Variants in PRKAR1B observed in about 807,000 individuals in gnomAD.
The protein encoded by PRKAR1B is cAMP-dependent protein kinase type I-beta regulatory subunit.
Under a neutral mutation model 46.5 loss-of-function variants are expected in PRKAR1B, and 22 were observed. The observed-to-expected ratio is 0.47, with a 90% CI of 0.34 to 0.68. The LOEUF (loss-of-function observed/expected upper bound fraction) is 0.68, where lower values mean the gene tolerates loss of function less well. Among genes scored for constraint, PRKAR1B ranks in the 30% least tolerant of loss-of-function variants. PRKAR1B has a pLI of 0.01. For missense variants in PRKAR1B, 445 were observed against 535.6 expected, an observed-to-expected ratio of 0.83 and a Z score of 1.67; for synonymous variants, 259 against 217.7, an observed-to-expected ratio of 1.19 and a Z score of -1.67.
chr7:715,891 AT>A (rs1243940349), intron 1 of PRKAR1B, among the ~76,000 whole-genome samples: 4 of 151,262 alleles, frequency 2.6e-5, no homozygotes, highest in Non-Finnish European at 5.9e-5. Flanking sequence ...AATTTTTTGT[AT>A]TTTTAGTAGA....
intron 9 of PRKAR1B, among the ~76,000 whole-genome samples, chr7:554,026 G>C (rs189490181): frequency 6.6e-6 from 1 of 152,376 alleles, no homozygotes; most frequent in East Asian, 1.9e-4. Context: ...TGGAGAGAGG[G>C]AAGACTCCGT....
intron 8 of PRKAR1B, 48 bp from the exon 9 acceptor site, chr7:579,425 C>T (rs773863605): frequency 3.1e-6 from 5 of 1,605,546 alleles, no homozygotes; most frequent in East Asian, 4.5e-5. Context: ...CACGCCCCCA[C>T]AGCCACAGTC....
chr7:725,229 A>G (rs1352485403), intron 1 of PRKAR1B, among the ~76,000 whole-genome samples: 2 of 151,728 alleles, frequency 1.3e-5, no homozygotes, highest in Non-Finnish European at 2.9e-5. Context: ...AAAAAAAAAA[A>G]GACGTACCGA....
chr7:728,307 A>G (rs1781434757), upstream of PRKAR1B, among the ~76,000 whole-genome samples: 1 of 152,194 alleles, frequency 6.6e-6, no homozygotes, highest in South Asian at 2.1e-4. Context: ...GGAGCAGGAA[A>G]GCAGTGAGGG....
At position 662,636 on chromosome 7, in the gene PRKAR1B, C is replaced by T. The variant is rs139060215; in HGVS notation, c.440+14593G>A. Among the ~76,000 whole-genome samples the T allele has an allele frequency of 6.6e-3, 1,003 of 151,068 alleles. 10 individuals are homozygous for T. Among genetic ancestry groups the T allele is most frequent in the Middle Eastern group, 0.052 (15 of 290 alleles). Reference sequence around the variant, plus strand: ...AACAGATCCAAACACCTACTCTCCCCGCCATGCCACAGGTCCCCACTCCAA... The same window carrying T: ...AACAGATCCAAACACCTACTCTCCCTGCCATGCCACAGGTCCCCACTCCAA... On this transcript the variant is annotated intron_variant, in intron 4 of 10. Coordinates refer to ENST00000537384, the MANE Select transcript of PRKAR1B (RefSeq NM_001164760.2).
chr7:710,819 T>G (rs1780584199), intron 2 of PRKAR1B, among the ~76,000 whole-genome samples: 1 of 151,958 alleles, frequency 6.6e-6, no homozygotes, highest in Non-Finnish European at 1.5e-5. Context: ...AATTTTTGTA[T>G]TTTTAGTAGA....
intron 1 of PRKAR1B, among the ~76,000 whole-genome samples, chr7:724,527 C>G (rs1004221646): frequency 6.6e-6 from 1 of 152,250 alleles, no homozygotes; most frequent in Non-Finnish European, 1.5e-5. Context: ...CCATGTGGAA[C>G]TGTGAGTCCA....
intron 4 of PRKAR1B, among the ~76,000 whole-genome samples, chr7:674,330 CTCCAGCCATGCCCAGCTAT>C (rs1293860128): frequency 6.6e-6 from 1 of 151,820 alleles, no homozygotes; most frequent in Non-Finnish European, 1.5e-5. Flanking sequence ...TGCTTAGATA[CTCCAGCCATGCCCAGCTAT>C]TCCAGCCACA....
At chr7:705,289 C>T (rs1780264390) in intron 2 of PRKAR1B, among the ~76,000 whole-genome samples, 3 of 134,488 alleles carry the variant, frequency 2.2e-5, no homozygotes, top group Admixed American at 1.6e-4. Context: ...GGTGACAGAG[C>T]AAGACTCTGT....
chr7:588,812 C>T (rs140440793), intron 7 of PRKAR1B, among the ~76,000 whole-genome samples: 5 of 9,828 alleles, frequency 5.1e-4, no homozygotes, highest in Admixed American at 1.1e-3. Context: ...CAGTGGTGAT[C>T]ACGATGATGG....
upstream of PRKAR1B, among the ~76,000 whole-genome samples, chr7:728,232 C>T (rs1781430545): frequency 6.6e-6 from 1 of 152,222 alleles, no homozygotes; most frequent in Admixed American, 6.5e-5. Flanking sequence ...CAGGCGCCTG[C>T]TTCCTGCTGG....
intron 6 of PRKAR1B, among the ~76,000 whole-genome samples, chr7:600,676 G>C (rs1781539102): frequency 6.6e-6 from 1 of 152,174 alleles, no homozygotes; most frequent in Non-Finnish European, 1.5e-5. Context: ...GGGAAGCCCG[G>C]AACGGCCAGC....
At chr7:583,480 C>CACACACGTGT (rs1491330834) in intron 8 of PRKAR1B, among the ~76,000 whole-genome samples, 7 of 119,034 alleles carry the variant, frequency 5.9e-5, no homozygotes, top group African/African-American at 2.2e-4. Flanking sequence ...CTCACACCCA[C>CACACACGTGT]GCACACACGT....
intron 4 of PRKAR1B, among the ~76,000 whole-genome samples, chr7:626,008 CAAAAAA>C (rs71016892): frequency 1.5e-4 from 17 of 110,548 alleles, no homozygotes; most frequent in African/African-American, 4.9e-4. Flanking sequence ...AACTCCATCT[CAAAAAA>C]AAAAAAAAAA....
intron 3 of PRKAR1B, among the ~76,000 whole-genome samples, chr7:678,198 G>A (rs944857239): frequency 6.6e-6 from 1 of 152,230 alleles, no homozygotes; most frequent in Admixed American, 6.5e-5. Context: ...GAACCCGGGA[G>A]GTGGAGGTTG....
chr7:718,295 C>CACACACAT (rs1178802508), intron 1 of PRKAR1B, among the ~76,000 whole-genome samples: 1 of 135,748 alleles, frequency 7.4e-6, no homozygotes, highest in African/African-American at 2.7e-5. Context: ...CACACACACA[C>CACACACAT]ATACACATAT....
At chr7:727,424 G>T, upstream of PRKAR1B, 2 of 386,152 alleles carry the variant, frequency 5.2e-6, no homozygotes, top group Non-Finnish European at 3.5e-6. Flanking sequence ...CCCCCTCCAC[G>T]CCCGCACCCC....
intron 9 of PRKAR1B, among the ~76,000 whole-genome samples, chr7:563,789 G>A (rs1395376405): frequency 1.3e-5 from 2 of 151,902 alleles, no homozygotes; most frequent in African/African-American, 2.4e-5. Context: ...GTATGTACAT[G>A]TGTGTACGTG....
At position 714,224 on chromosome 7, in the gene PRKAR1B, G is replaced by T. The variant is rs956441437; in HGVS notation, c.-22-2697C>A. Among the ~76,000 whole-genome samples the T allele has an allele frequency of 6.6e-6, 1 of 152,138 alleles. No individual in the cohort carries two copies. The highest frequency in any genetic ancestry group is 1.5e-5 in the Non-Finnish European group (1 of 68,016). On this transcript the variant is annotated intron_variant, in intron 1 of 10. Transcript: ENST00000537384. The surrounding 1 kb of genome is among the most constrained non-coding windows in gnomAD (Gnocchi z 4.3). ...CCAGGCCTGGCTGCTTCTCTCCCGG[G>T]CTGTCCTGGGGTTCTCTGGAGACTC...
Sources: allele counts gnomAD v4.1 joint callset (sites outside exome capture counted in the v4.1 genomes callset), GRCh38; gene constraint gnomAD v4.1.1; non-coding constraint Gnocchi (gnomAD v3.1); transcripts MANE v1.5; gene names NCBI Gene and HGNC (gene_info 2026-07-23, HGNC 2026-07-21).